RFESD: variants seen among roughly 807,000 people sequenced by gnomAD.
RFESD encodes Rieske Fe-S domain containing.
A neutral mutation model predicts 24.4 loss-of-function variants in RFESD; 16 were observed. The observed-to-expected ratio is 0.66, with a 90% CI of 0.44 to 1.00. The LOEUF (loss-of-function observed/expected upper bound fraction) is 1.00. RFESD is among the 50% of genes least tolerant of loss of function. The pLI, the probability that RFESD is intolerant of heterozygous loss-of-function variation, is 0.00. For missense variants in RFESD, 208 were observed against 247.0 expected (o/e 0.84, Z 1.06); for synonymous variants, 59 against 81.8 (o/e 0.72, Z 1.50).
chr5:95,656,602 G>A lies in RFESD; in HGVS notation c.*293G>A. On this transcript the variant is annotated 3_prime_UTR_variant, in exon 6 of 6. Transcript: ENST00000380005. ...ATAAATTTGGAGTAAACAAATAATA[G>A]GTAAAAATTAAGGATTAGTAAGAAA... 3.0e-5 allele frequency: 6 copies of A among 197,010 alleles called. No individual in the cohort carries two copies. Among genetic ancestry groups the A allele is most frequent in the Admixed American group, 1.2e-4 (2 of 16,856 alleles). The allele number at this position is 197,010 out of a possible 1,614,324, so 12.2% of individuals were successfully genotyped here. A position where few individuals can be genotyped will look rare whatever the true frequency, so the allele number is the denominator to read the frequency against.
intron 1 of RFESD, among the ~76,000 whole-genome samples, chr5:95,650,242 G>A (rs1383360537): frequency 2.0e-5 from 3 of 151,974 alleles, no homozygotes; most frequent in Non-Finnish European, 4.4e-5. Context: ...AAAAATTAGA[G>A]CAGAATTAAA....
chr5:95,654,768 T>C (rs1049503045), intron 5 of RFESD, among the ~76,000 whole-genome samples: 1 of 152,174 alleles, frequency 6.6e-6, no homozygotes, highest in Non-Finnish European at 1.5e-5. Flanking sequence ...AACAATGTAT[T>C]TGTGACTGAA....
chr5:95,653,335 AG>A, intron 3 of RFESD, 121 bp downstream of exon 3: 1 of 1,375,622 alleles, frequency 7.3e-7, no homozygotes, highest in Non-Finnish European at 9.8e-7. Flanking sequence ...CTTAGCCAAG[AG>A]GCTGAAGACT....
At chr5:95,653,577 CA>C (rs1235565549) in intron 3 of RFESD, among the ~76,000 whole-genome samples, 2 of 152,302 alleles carry the variant, frequency 1.3e-5, no homozygotes, top group African/African-American at 4.8e-5. Context: ...GTCTCTAACG[CA>C]AAGTAATGAC....
intron 1 of RFESD, chr5:95,647,987 A>G (rs1750175392): frequency 2.0e-5 from 3 of 152,220 alleles, no homozygotes; most frequent in Admixed American, 2.0e-4. Flanking sequence ...CAAGGGTGTC[A>G]TACTTGAGAT....
chr5:95,646,941 G>A (rs2112486318), intron 1 of RFESD, 124 bp downstream of exon 1: 1 of 152,512 alleles, frequency 6.6e-6, no homozygotes, highest in African/African-American at 2.4e-5. Context: ...GGCCCTCTTG[G>A]GTTTTGGTTC....
At position 95,653,199 on chromosome 5, in the gene RFESD, C is replaced by A. The variant is rs746017640; in HGVS notation, c.143C>A (p.Thr48Asn). The change falls in exon 3 of 6, where the codon ACC becomes AAC. Residue 48 changes from threonine (T) to asparagine (N), a missense_variant. Thr to Asn is a moderately conservative substitution (Grantham distance 65). Coordinates refer to ENST00000380005, the MANE Select transcript of RFESD (RefSeq NM_001131066.2). The stretch of plus-strand genomic sequence containing the variant: ...TTCAGCTCAGCTGTCATCTCAGTGA[C>A]CAGTTTTTATCTGAGGTAAGAAAAT... Reference protein sequence around the residue: ...GHFSSAVISVTSFYLSMNLDG... With the variant: ...GHFSSAVISVNSFYLSMNLDG... 1.3e-6 allele frequency: 2 copies of A among 1,551,670 alleles called. No homozygotes were observed. The highest frequency in any genetic ancestry group is 2.4e-5 in the South Asian group (2 of 84,056).
chr5:95,652,884 T>G, intron 2 of RFESD: 1 of 508,798 alleles, frequency 2.0e-6, no homozygotes, highest in Non-Finnish European at 3.3e-6. Flanking sequence ...TGTTTTGCTA[T>G]AATCCATTCT....
At chr5:95,653,237 T>A in intron 3 of RFESD, 23 bp downstream of exon 3, 1 of 1,551,470 alleles carries the variant, frequency 6.4e-7, no homozygotes, top group Non-Finnish European at 8.7e-7. Flanking sequence ...AAGGTTTTCA[T>A]TCATACCCAC....
At position 95,653,235 on chromosome 5, in the gene RFESD, C is replaced by T. The variant is rs563539416; in HGVS notation, c.158+21C>T. ...CTGAGGTAAGAAAATGAAAGGTTTT[C>T]ATTCATACCCACCTTCTCTTGCTGT... On this transcript the variant is annotated intron_variant, in intron 3 of 5. Coordinates refer to ENST00000380005, the MANE Select transcript of RFESD (RefSeq NM_001131066.2). The T allele has an allele frequency of 5.6e-5, 87 of 1,551,370 alleles. No homozygotes were observed. In the African/African-American group the frequency reaches 1.0e-3, roughly 19 times the overall value.
intron 5 of RFESD, chr5:95,655,819 A>G (rs1750719510): frequency 6.3e-6 from 3 of 474,934 alleles, no homozygotes; most frequent in African/African-American, 5.9e-5. Flanking sequence ...TTGCCTGAGC[A>G]TGTCAGTCTT....
At position 95,656,184 on chromosome 5, in the gene RFESD, CAAAGG is replaced by C. The variant is rs1750747756; in HGVS notation, c.510_514del (p.Gln170HisfsTer17). 6.2e-7 allele frequency: 1 copy of C among 1,613,870 alleles called. No homozygotes were observed. Among genetic ancestry groups the C allele is most frequent in the African/African-American group, 1.3e-5 (1 of 74,898 alleles). ...CAAGTGGTGCTCCAAAGGAATAAAG[CAAAGG>C]ATTCACACAGTGACAGTAGACAACG... On this transcript the variant is annotated frameshift_variant, in exon 6 of 6. Coordinates refer to ENST00000380005, the MANE Select transcript of RFESD (RefSeq NM_001131066.2). LOFTEE classifies it high-confidence loss of function.
Position 95,653,258 on chromosome 5 carries a change from TG to T in RFESD, c.158+45del. The T allele has an allele frequency of 4.5e-6, 7 of 1,550,200 alleles. No homozygotes were observed. The South Asian group carries it at 8.3e-5, about 18-fold the overall frequency. ...TTCATTCATACCCACCTTCTCTTGC[TG>T]TAATAGCTATCTGGTTGTGCCTGTA... On this transcript the variant is annotated intron_variant, in intron 3 of 5. Transcript: ENST00000380005.
intron 1 of RFESD, among the ~76,000 whole-genome samples, chr5:95,651,092 C>A (rs1289358623): frequency 8.2e-6 from 1 of 122,414 alleles, no homozygotes; most frequent in Non-Finnish European, 1.6e-5. Flanking sequence ...AGTGAGACTC[C>A]GTCTCAAAAA....
Position 95,652,334 on chromosome 5 carries a change from G to C in RFESD, c.60+3G>C. 1 of 1,550,432 alleles carries C rather than the reference G, an allele frequency of 6.4e-7. No homozygotes were observed. Among genetic ancestry groups the C allele is most frequent in the East Asian group, 2.4e-5 (1 of 40,886 alleles). ...CCTTATCTACACTTCCTCTCCAAGT[G>C]AGTCCATAGAATTCTATGACCTGGA... On this transcript the variant is annotated splice_donor_region_variant and intron_variant, in intron 2 of 5. Coordinates refer to ENST00000380005, the MANE Select transcript of RFESD (RefSeq NM_001131066.2).
rs2112531752 is a variant in RFESD, at chr5:95,657,219, T to A, written c.*910T>A. ...GAGAGGAGATCTAGGGTTTTGTTCC[T>A]TGGAGTTCCCGAGCAAGGTTGATGT... On this transcript the variant is annotated 3_prime_UTR_variant, in exon 6 of 6. Transcript: ENST00000380005. The A allele has an allele frequency of 6.6e-6, 1 of 152,246 alleles. No homozygotes were observed. The highest frequency in any genetic ancestry group is 1.5e-5 in the Non-Finnish European group (1 of 67,982). 9.4% of individuals were successfully genotyped at this position (152,246 alleles called of 1,614,324 possible).
intron 5 of RFESD, chr5:95,655,354 A>G (rs1442627355): frequency 6.6e-6 from 1 of 152,200 alleles, no homozygotes; most frequent in Non-Finnish European, 1.5e-5. Flanking sequence ...TAATAGTTCC[A>G]TAGAATTTTC....
chr5:95,655,990 G>C, intron 5 of RFESD, 56 bp from the exon 6 acceptor site: 1 of 1,537,338 alleles, frequency 6.5e-7, no homozygotes, highest in Non-Finnish European at 8.9e-7. Flanking sequence ...ACTCTTCAGA[G>C]TCTATCAAGA....
chr5:95,648,902 T>C, intron 1 of RFESD, among the ~76,000 whole-genome samples: 1 of 145,160 alleles, frequency 6.9e-6, no homozygotes, highest in Non-Finnish European at 1.5e-5. Context: ...CTTTTTTTTT[T>C]TTTTTTTTTT....
Sources: allele counts gnomAD v4.1 joint callset (sites outside exome capture counted in the v4.1 genomes callset), GRCh38; gene constraint gnomAD v4.1.1; transcripts MANE v1.5; gene names NCBI Gene and HGNC (gene_info 2026-07-23, HGNC 2026-07-21).